The following EFCAB5 variants were observed in gnomAD, a reference collection of about 807,000 sequenced individuals.
EFCAB5 encodes EF-hand calcium binding domain 5.
Under a neutral mutation model 167.9 loss-of-function variants are expected in EFCAB5, and 131 were observed. The ratio of observed to expected loss-of-function variants is 0.78; its 90% CI spans 0.68 to 0.90. The LOEUF is 0.90. Among genes scored for constraint, EFCAB5 ranks in the 40% least tolerant of loss-of-function variants. The pLI, the probability that EFCAB5 is intolerant of heterozygous loss-of-function variation, is 0.00. For missense variants in EFCAB5, 1,663 were observed against 1,745.2 expected (o/e 0.95, Z 0.84); for synonymous variants, 574 against 602.8 (o/e 0.95, Z 0.70).
In EFCAB5 at chr17:29,969,054, C is replaced by A. The variant is rs775532833; in HGVS notation, c.454C>A (p.Pro152Thr). The change falls in exon 4 of 23, where the codon CCT (proline) becomes ACT (threonine). Residue 152 changes from proline to threonine, a missense_variant. Coordinates refer to ENST00000394835, the MANE Select transcript of EFCAB5 (RefSeq NM_198529.4). ...AGAAAAAAAGGCTGAAAAAAAACTC[C>A]CTAGGGATAATTTGGCCAAAGAGTG... ...ELEKKAEKKL[P>T]RDNLAKEWFN... The A allele has an allele frequency of 1.9e-6, 3 of 1,608,652 alleles. No individual in the cohort carries two copies. The East Asian group carries it at 6.7e-5, about 36-fold the overall frequency.
rs532428971 is a variant in EFCAB5 at position 29,962,610 on chromosome 17, G to A, written c.191-6181G>A. Among the ~76,000 whole-genome samples the A allele has an allele frequency of 1.4e-4, 21 of 149,208 alleles. No individual in the cohort carries two copies. The South Asian group carries it at 3.0e-3, about 21-fold the overall frequency. On this transcript the variant is annotated intron_variant, in intron 3 of 22. Coordinates refer to ENST00000394835, the MANE Select transcript of EFCAB5 (RefSeq NM_198529.4). ...CTCAGCTACCAACAGCTGGGACTAC[G>A]GGTACGTGCCACCATGCCTGGCTTT...
In EFCAB5 at chr17:29,962,685, T is replaced by C. The variant is rs80037712; in HGVS notation, c.191-6106T>C. Among the ~76,000 whole-genome samples the C allele has an allele frequency of 8.1e-3, 1,226 of 151,522 alleles. 21 individuals carry two copies. Among genetic ancestry groups the C allele is most frequent in the African/African-American group, 0.028 (1,171 of 41,224 alleles). ...TCTCGGTATGTTGCCCTATTGAATT[T>C]GTTCAATAGCTCTAGTAGCTTTCTT... On this transcript the variant is annotated intron_variant, in intron 3 of 22. Transcript: ENST00000394835.
At chr17:30,053,222 T>C (rs766079669) in intron 9 of EFCAB5, 33 bp from the exon 10 acceptor site, 9 of 1,547,952 alleles carry the variant, frequency 5.8e-6, no homozygotes, top group Middle Eastern at 3.5e-4. Flanking sequence ...ATAAGATCAA[T>C]GGTTTAAGTG....
chr17:29,998,228 CTT>C (rs1399802469), intron 6 of EFCAB5, among the ~76,000 whole-genome samples: 1 of 152,128 alleles, frequency 6.6e-6, no homozygotes, highest in Non-Finnish European at 1.5e-5. Flanking sequence ...ATCTTTTACT[CTT>C]GTTTCAAAAA....
intron 4 of EFCAB5, among the ~76,000 whole-genome samples, chr17:29,992,069 T>G (rs2068432499): frequency 6.6e-6 from 1 of 152,318 alleles, no homozygotes; most frequent in African/African-American, 2.4e-5. Context: ...AATTTTGAAA[T>G]GTACACTAAA....
chr17:30,106,874 G>T (rs1035073645), intron 22 of EFCAB5, among the ~76,000 whole-genome samples: 1 of 152,218 alleles, frequency 6.6e-6, no homozygotes, highest in African/African-American at 2.4e-5. Context: ...ATGGGAGATT[G>T]AGGCTGCAGT....
In EFCAB5 at chr17:29,995,573, C is replaced by G. The variant is rs2068527271; in HGVS notation, c.925-739C>G. ...CTGTTTAAAATTTCCATTTGAAGCT[C>G]TGTTCTTGTCTGCGTCTGATCTGGG... is the stretch of plus-strand genomic sequence containing the variant. On this transcript the variant is annotated intron_variant, in intron 5 of 22. Transcript: ENST00000394835. 2.0e-5 allele frequency among the ~76,000 whole-genome samples: 3 copies of G among 152,308 alleles called. No individual in the cohort carries two copies. In the South Asian group the frequency reaches 6.2e-4, roughly 32 times the overall value.
chr17:30,057,563 T>G, intron 12 of EFCAB5, 113 bp from the exon 13 acceptor site: 1 of 847,180 alleles, frequency 1.2e-6, no homozygotes, highest in Non-Finnish European at 1.8e-6. Flanking sequence ...GAAGGAAGCA[T>G]GGATTCCTGA....
intron 8 of EFCAB5, among the ~76,000 whole-genome samples, chr17:30,037,960 GA>G (rs1300111815): frequency 6.6e-6 from 1 of 152,126 alleles, no homozygotes; most frequent in East Asian, 1.9e-4. Context: ...CAAGTGAAAG[GA>G]AGAGTCACAT....
chr17:29,953,378 C>A (rs1158865556), intron 3 of EFCAB5, among the ~76,000 whole-genome samples: 1 of 152,152 alleles, frequency 6.6e-6, no homozygotes, highest in Non-Finnish European at 1.5e-5. Flanking sequence ...CCCATAATTC[C>A]CATGTGTCAT....
At position 30,080,201 on chromosome 17, in the gene EFCAB5, G is replaced by A. The variant is rs751784867; in HGVS notation, c.3157G>A (p.Val1053Ile). The change falls in exon 16 of 23, where the codon GTA becomes ATA. Residue 1053 changes from valine to isoleucine, a missense_variant. Coordinates refer to ENST00000394835, the MANE Select transcript of EFCAB5 (RefSeq NM_198529.4). ...VACTLDDAQF[V>I]LNRVLYRDMK... The stretch of plus-strand genomic sequence containing the variant: ...TTGTACCTTAGATGATGCTCAATTT[G>A]TACTGAACAGAGTGCTCTACAGGGA... 9 of 1,612,864 alleles carry A rather than the reference G, an allele frequency of 5.6e-6. No homozygotes were observed. Among genetic ancestry groups the A allele is most frequent in the Admixed American group, 1.7e-5 (1 of 59,782 alleles).
At chr17:30,103,736 C>T (rs552626212) in intron 22 of EFCAB5, among the ~76,000 whole-genome samples, 6 of 152,092 alleles carry the variant, frequency 3.9e-5, no homozygotes, top group East Asian at 1.9e-4. Context: ...CATATATGAC[C>T]GGGCGCAGTG....
intron 7 of EFCAB5, among the ~76,000 whole-genome samples, chr17:30,032,895 C>T (rs1462829211): frequency 1.3e-5 from 2 of 152,198 alleles, no homozygotes; most frequent in Admixed American, 6.5e-5. Context: ...AATTCAGGCC[C>T]ACTCAGATTA....
At chr17:30,045,443 G>A (rs1168465973) in intron 8 of EFCAB5, among the ~76,000 whole-genome samples, 1 of 132,444 alleles carries the variant, frequency 7.6e-6, no homozygotes, top group East Asian at 2.1e-4. Context: ...GGGCGACAGA[G>A]CTAGGCTCTG....
chr17:30,068,530 T>C (rs1450372048), intron 14 of EFCAB5: 3 of 639,596 alleles, frequency 4.7e-6, no homozygotes, highest in South Asian at 5.3e-5. Flanking sequence ...CTCATGTTCA[T>C]GGATTGGAAG....
In EFCAB5 at chr17:30,092,864, A is replaced by G. The variant is rs2071228450; in HGVS notation, c.4249A>G (p.Asn1417Asp). 6 of 1,611,704 alleles carry G rather than the reference A, an allele frequency of 3.7e-6. No homozygotes were observed. The highest frequency in any genetic ancestry group is 5.1e-6 in the Non-Finnish European group (6 of 1,179,026). Residue 1417 changes from asparagine to aspartate, a missense_variant, in exon 22 of 23, where the codon AAT (asparagine) becomes GAT (aspartate). Coordinates refer to ENST00000394835, the MANE Select transcript of EFCAB5 (RefSeq NM_198529.4). The part of the protein sequence containing the change: ...KFYVNKYLVN[N>D]ICAFDPTAKH... ...GTATGTTAACAAATATTTAGTCAAC[A>G]ATATTTGTGCCTTTGATCCAACTGC... is the stretch of plus-strand genomic sequence containing the variant.
intron 22 of EFCAB5, among the ~76,000 whole-genome samples, chr17:30,101,255 G>A (rs1021671473): frequency 2.0e-5 from 3 of 152,208 alleles, no homozygotes; most frequent in Admixed American, 6.5e-5. Context: ...AGGTCAAGAA[G>A]AGAAGCAGAG....
At chr17:29,994,133 A>AATATATATATATATATAT (rs55875315) in intron 5 of EFCAB5, among the ~76,000 whole-genome samples, 12 of 55,850 alleles carry the variant, frequency 2.1e-4, no homozygotes, top group South Asian at 8.7e-4. Context: ...AACAACAACA[A>AATATATATATATATATAT]ATATATATAT....
At chr17:30,057,265 T>C (rs1452840791) in intron 12 of EFCAB5, among the ~76,000 whole-genome samples, 1 of 152,182 alleles carries the variant, frequency 6.6e-6, no homozygotes, top group African/African-American at 2.4e-5. Flanking sequence ...GTTTTCTCCA[T>C]GTTGTGACAA....
Sources: allele counts gnomAD v4.1 joint callset (sites outside exome capture counted in the v4.1 genomes callset), GRCh38; gene constraint gnomAD v4.1.1; transcripts MANE v1.5; gene names NCBI Gene and HGNC (gene_info 2026-07-23, HGNC 2026-07-21).